NAV1: variants seen among roughly 807,000 people sequenced by gnomAD.
NAV1 encodes the protein pore membrane and/or filament interacting like protein 3.
NAV1 carries 18 observed loss-of-function variants against 175.2 expected under a neutral mutation model. The ratio of observed to expected loss-of-function variants is 0.10; its 90% CI spans 0.07 to 0.15. The LOEUF (loss-of-function observed/expected upper bound fraction) is 0.15. NAV1 is among the 10% of genes least tolerant of loss of function. The probability of loss-of-function intolerance (pLI) is 1.00; values close to 1 mark genes in which losing one functional copy is unlikely to be tolerated. For synonymous variants in NAV1, 897 were observed against 978.7 expected (o/e 0.92, Z 1.56); for missense variants, 1,731 against 2,436.6 (o/e 0.71, Z 6.10).
In NAV1 at chr1:201,708,440, G is replaced by GCACACACA. The variant is rs3053753; in HGVS notation, c.758-4360_758-4353dup. Among the ~76,000 whole-genome samples, 873 of 148,280 alleles carry GCACACACA rather than the reference G, an allele frequency of 5.9e-3. 9 individuals are homozygous for GCACACACA. The highest frequency in any genetic ancestry group is 0.02 in the African/African-American group (799 of 40,126). ...TTCCCCCCTCAAACCCTACTTGCGC[G>GCACACACA]CACACACACACACACACACACACAT... On this transcript the variant is annotated intron_variant, in intron 1 of 29. Transcript: ENST00000367296.
intron 1 of NAV1, among the ~76,000 whole-genome samples, chr1:201,652,947 A>G (rs539458396): frequency 3.0e-4 from 46 of 152,342 alleles, no homozygotes; most frequent in Middle Eastern, 3.4e-3. Context: ...CAGAACACTT[A>G]TATTCACCTA....
intron 2 of NAV1, among the ~76,000 whole-genome samples, chr1:201,602,090 TC>T (rs1305466855): frequency 1.3e-5 from 2 of 150,908 alleles, no homozygotes; most frequent in African/African-American, 4.9e-5. Flanking sequence ...CTTTTAAGGG[TC>T]TAAAATGAAA....
chr1:201,628,614 C>T (rs1197994596), intron 1 of NAV1, among the ~76,000 whole-genome samples: 1 of 152,182 alleles, frequency 6.6e-6, no homozygotes, highest in Non-Finnish European at 1.5e-5. Flanking sequence ...CAGCCCTCCC[C>T]TCCCCCTCCT....
intron 1 of NAV1, among the ~76,000 whole-genome samples, chr1:201,709,277 T>C (rs1431578663): frequency 6.6e-6 from 1 of 152,016 alleles, no homozygotes; most frequent in Admixed American, 6.5e-5. Flanking sequence ...GGGTGAAGCT[T>C]AGTTATGGGT....
rs780084704 is a variant in NAV1, at chr1:201,808,758, C to T, written c.4094C>T (p.Pro1365Leu). The change falls in exon 20 of 30, where the codon CCC becomes CTC. Residue 1365 changes from proline to leucine, a missense_variant. Physicochemically the swap from Pro to Leu is moderately conservative, Grantham distance 98 (BLOSUM62 -3). Transcript: ENST00000367296. This position sits in a 1 kb window ranked among gnomAD's most constrained non-coding sequence, Gnocchi z 5.5. ...GACCGACTGAAGGTAGCCCCAGGCC[C>T]CTCATCAGGCTCCACTCCAGGGCAG... 6.2e-7 allele frequency: 1 copy of T among 1,614,184 alleles called. No homozygotes were observed. Among genetic ancestry groups the T allele is most frequent in the Non-Finnish European group, 8.5e-7 (1 of 1,180,036 alleles).
intron 2 of NAV1, among the ~76,000 whole-genome samples, chr1:201,607,711 C>T (rs1426338267): frequency 1.3e-5 from 2 of 151,884 alleles, no homozygotes; most frequent in African/African-American, 4.8e-5. Context: ...AGGCTGGTCT[C>T]GAACTCCTGA....
rs1678605617 is a variant in NAV1, at chr1:201,810,259, C to T, written c.4561+154C>T. ...GTGAGATATAAAAAGATGAGTAAGA[C>T]CCAGTCCTAACTTTGGCTCCCAGGG... On this transcript the variant is annotated intron_variant, in intron 23 of 29. Transcript: ENST00000367296. This position sits in a 1 kb window ranked among gnomAD's most constrained non-coding sequence, Gnocchi z 6.0. Among the ~76,000 whole-genome samples, 1 of 152,090 alleles carries T rather than the reference C, an allele frequency of 6.6e-6. No individual in the cohort carries two copies. Among genetic ancestry groups the T allele is most frequent in the Non-Finnish European group, 1.5e-5 (1 of 68,010 alleles).
rs10624879 is a variant in NAV1, at chr1:201,779,598, CAAAAA to C, written c.1227-804_1227-800del. Among the ~76,000 whole-genome samples, 319 of 69,074 alleles carry C rather than the reference CAAAAA, an allele frequency of 4.6e-3. 3 individuals carry two copies. Among genetic ancestry groups the C allele is most frequent in the African/African-American group, 0.023 (296 of 12,840 alleles). The allele number at this position is 69,074 out of a possible 152,430, so 45.3% of individuals were successfully genotyped here. ...GGGGCAACAGAGCAGGACTCCGTCT[CAAAAA>C]AAAAAAAAAAAAAAAAAAGAACAGC... On this transcript the variant is annotated intron_variant, in intron 3 of 29. Transcript: ENST00000367296.
upstream of NAV1, among the ~76,000 whole-genome samples, chr1:201,620,231 G>T (rs1405285012): frequency 2.6e-5 from 4 of 152,140 alleles, no homozygotes; most frequent in Admixed American, 1.3e-4. Context: ...AATATGGAAG[G>T]GGGGATCCCA....
intron 1 of NAV1, among the ~76,000 whole-genome samples, chr1:201,556,142 T>A (rs958967694): frequency 6.6e-6 from 1 of 152,188 alleles, no homozygotes; most frequent in South Asian, 2.1e-4. Context: ...GTCTGAGACC[T>A]GGAGCAGTGG....
intron 1 of NAV1, among the ~76,000 whole-genome samples, chr1:201,628,239 G>A (rs1055871853): frequency 1.7e-4 from 25 of 151,476 alleles, no homozygotes; most frequent in African/African-American, 5.3e-4. Flanking sequence ...TTTCTCTAAC[G>A]ACACCCCACC....
chr1:201,752,057 A>G (rs1674143004), intron 3 of NAV1, among the ~76,000 whole-genome samples: 2 of 152,192 alleles, frequency 1.3e-5, no homozygotes, highest in Non-Finnish European at 2.9e-5. Context: ...TTTGACCTCC[A>G]TGCACAATGT....
intron 1 of NAV1, among the ~76,000 whole-genome samples, chr1:201,560,538 G>A (rs550990286): frequency 5.9e-5 from 9 of 152,292 alleles, no homozygotes; most frequent in Admixed American, 2.0e-4. Context: ...GGTGTTTGGG[G>A]TGCCAGAGAG....
chr1:201,709,086 C>T (rs1186011438), intron 1 of NAV1, among the ~76,000 whole-genome samples: 1 of 151,000 alleles, frequency 6.6e-6, no homozygotes, highest in Non-Finnish European at 1.5e-5. Flanking sequence ...GGAAGTTGAG[C>T]CTGCAGTGAG....
At chr1:201,599,974 G>T (rs953677525) in intron 2 of NAV1, among the ~76,000 whole-genome samples, 1 of 152,220 alleles carries the variant, frequency 6.6e-6, no homozygotes, top group Non-Finnish European at 1.5e-5. Context: ...GAGTTTTAAA[G>T]TCACAGGCCA....
intron 1 of NAV1, among the ~76,000 whole-genome samples, chr1:201,706,572 A>C (rs1671679189): frequency 6.6e-6 from 1 of 152,184 alleles, no homozygotes; most frequent in Non-Finnish European, 1.5e-5. Context: ...CACCACCCTG[A>C]AACCGCCGTG....
At chr1:201,739,865 T>C in intron 3 of NAV1, 1 of 1,280,418 alleles carries the variant, frequency 7.8e-7, no homozygotes. Flanking sequence ...GCCCTGGTGG[T>C]GGGGAGAAAA....
intron 3 of NAV1, among the ~76,000 whole-genome samples, chr1:201,752,507 C>T (rs745680109): frequency 7.2e-5 from 11 of 152,118 alleles, no homozygotes; most frequent in Non-Finnish European, 1.5e-4. Context: ...ATCTCAAGCC[C>T]ATTTATGGGC....
chr1:201,718,897 A>G lies in NAV1; in HGVS notation c.1226+142A>G. On this transcript the variant is annotated intron_variant, in intron 3 of 29. Transcript: ENST00000367296. The surrounding 1 kb of genome is among the most constrained non-coding windows in gnomAD (Gnocchi z 4.8). Reference sequence around the variant, plus strand: ...AAGTACACAAAAGTGTGCTGTGTACACTTTGTGATTGCCTCTGAAATTCGA... The same window carrying G: ...AAGTACACAAAAGTGTGCTGTGTACGCTTTGTGATTGCCTCTGAAATTCGA... 9.1e-7 allele frequency: 1 copy of G among 1,098,316 alleles called. No individual in the cohort carries two copies. The highest frequency in any genetic ancestry group is 1.6e-5 in the South Asian group (1 of 63,674). 68.0% of individuals were successfully genotyped at this position (1,098,316 alleles called of 1,614,324 possible).
Sources: allele counts gnomAD v4.1 joint callset (sites outside exome capture counted in the v4.1 genomes callset), GRCh38; gene constraint gnomAD v4.1.1; non-coding constraint Gnocchi (gnomAD v3.1); transcripts MANE v1.5; gene names NCBI Gene and HGNC (gene_info 2026-07-23, HGNC 2026-07-21).